Variants in PCLO observed in about 807,000 individuals in gnomAD.
The protein encoded by PCLO is protein piccolo.
A neutral mutation model predicts 427.5 loss-of-function variants in PCLO; 82 were observed. The ratio of observed to expected loss-of-function variants is 0.19; its 90% CI spans 0.16 to 0.23. The LOEUF is 0.23. Ranked by LOEUF, PCLO falls within the 10% of genes least tolerant of loss-of-function variation. The pLI is 1.00. For missense variants in PCLO, 6,239 were observed against 6,115.9 expected (o/e 1.02, Z -0.67); for synonymous variants, 2,357 against 2,155.4 (o/e 1.09, Z -2.59).
At chr7:82,805,892 T>A in intron 20 of PCLO, 63 bp from the exon 21 acceptor site, 3 of 1,454,688 alleles carry the variant, frequency 2.1e-6, no homozygotes, top group Non-Finnish European at 2.8e-6. Flanking sequence ...GATCTACAAA[T>A]GCATCATTAT....
At chr7:82,845,931 T>C (rs977271475) in intron 12 of PCLO, among the ~76,000 whole-genome samples, 7 of 152,218 alleles carry the variant, frequency 4.6e-5, no homozygotes, top group African/African-American at 1.7e-4. Flanking sequence ...GTATAGCACT[T>C]GGTCTATTCT....
intron 19 of PCLO, 41 bp downstream of exon 19, chr7:82,824,195 A>G (rs2115658467): frequency 7.1e-7 from 1 of 1,403,958 alleles, no homozygotes; most frequent in African/African-American, 1.4e-5. Flanking sequence ...GACTGAACAA[A>G]TAGACACAAA....
chr7:83,029,709 C>G (rs1387300864), intron 3 of PCLO, among the ~76,000 whole-genome samples: 25 of 119,242 alleles, frequency 2.1e-4, no homozygotes, highest in Non-Finnish European at 3.2e-4. Context: ...TTGGAACCAA[C>G]CCAAATGTCC....
intron 4 of PCLO, 58 bp downstream of exon 4, chr7:82,965,713 G>C (rs1795750228): frequency 8.3e-7 from 1 of 1,202,926 alleles, no homozygotes; most frequent in East Asian, 2.4e-5. Context: ...GTATACTTAG[G>C]TTAAAAATTA....
intron 3 of PCLO, among the ~76,000 whole-genome samples, chr7:83,057,765 AT>A (rs1277209786): frequency 6.6e-6 from 1 of 152,126 alleles, no homozygotes; most frequent in Non-Finnish European, 1.5e-5. Context: ...CTTATTAAAA[AT>A]TTTAATGGAA....
At chr7:83,123,612 A>G (rs937771915) in intron 3 of PCLO, among the ~76,000 whole-genome samples, 4 of 152,312 alleles carry the variant, frequency 2.6e-5, no homozygotes, top group Non-Finnish European at 4.4e-5. Flanking sequence ...AACAAAAGCA[A>G]AAGTTGAAAA....
intron 2 of PCLO, among the ~76,000 whole-genome samples, chr7:83,151,212 A>G (rs968371830): frequency 6.6e-6 from 1 of 152,204 alleles, no homozygotes; most frequent in African/African-American, 2.4e-5. Context: ...AAAAAAATCA[A>G]TGAAAGTTAA....
intron 20 of PCLO, among the ~76,000 whole-genome samples, chr7:82,815,713 T>A (rs2115599244): frequency 6.6e-6 from 1 of 152,046 alleles, no homozygotes; most frequent in Non-Finnish European, 1.5e-5. Context: ...TTCTGAAAAA[T>A]TTTTCTGCCT....
chr7:83,090,167 TG>T (rs1265429248), intron 3 of PCLO, among the ~76,000 whole-genome samples: 1 of 152,050 alleles, frequency 6.6e-6, no homozygotes, highest in East Asian at 1.9e-4. Context: ...CTGGGCGTGG[TG>T]GTGCACGCCT....
At chr7:83,148,626 T>C (rs1792054515) in intron 2 of PCLO, among the ~76,000 whole-genome samples, 1 of 152,126 alleles carries the variant, frequency 6.6e-6, no homozygotes, top group Non-Finnish European at 1.5e-5. Flanking sequence ...CCCATTGAAA[T>C]TTGTGTATGT....
intron 3 of PCLO, among the ~76,000 whole-genome samples, chr7:82,971,978 T>C (rs943685319): frequency 7.9e-5 from 12 of 151,812 alleles, no homozygotes; most frequent in Non-Finnish European, 4.4e-5. Flanking sequence ...GTTTCATCTA[T>C]GTTATCATTA....
intron 3 of PCLO, among the ~76,000 whole-genome samples, chr7:83,018,583 G>A (rs1310534785): frequency 6.6e-6 from 1 of 151,778 alleles, no homozygotes; most frequent in African/African-American, 2.4e-5. Context: ...GCTCATAATG[G>A]TTATATTAAA....
rs1179472077 is a variant in PCLO, at chr7:82,999,694, TATA to T, written c.3301-33210_3301-33208del. 2.4e-5 allele frequency among the ~76,000 whole-genome samples: 2 copies of T among 84,434 alleles called. 1 individual carries two copies. Among genetic ancestry groups the T allele is most frequent in the Non-Finnish European group, 4.1e-5 (2 of 49,180 alleles). 55.4% of individuals were successfully genotyped at this position (84,434 alleles called of 152,430 possible). On this transcript the variant is annotated intron_variant, in intron 3 of 24. Transcript: ENST00000333891. ...AAAATATATTATATATAAAATAATATATAATATTAAATATAAAATATAATATAT... is the reference window on the plus strand; with the variant it reads ...AAAATATATTATATATAAAATAATATATATTAAATATAAAATATAATATAT...
intron 3 of PCLO, among the ~76,000 whole-genome samples, chr7:83,043,296 T>C (rs1401274591): frequency 6.6e-6 from 1 of 152,168 alleles, no homozygotes; most frequent in Non-Finnish European, 1.5e-5. Flanking sequence ...GTGAATTTGA[T>C]TGTCTGGCCT....
intron 14 of PCLO, among the ~76,000 whole-genome samples, chr7:82,839,121 A>G (rs1792303588): frequency 6.6e-6 from 1 of 152,068 alleles, no homozygotes; most frequent in Non-Finnish European, 1.5e-5. Flanking sequence ...TTTTGGCATC[A>G]TTTAGAATAA....
intron 3 of PCLO, among the ~76,000 whole-genome samples, chr7:83,013,278 A>G (rs1309057476): frequency 2.6e-5 from 4 of 152,182 alleles, no homozygotes; most frequent in African/African-American, 9.7e-5. Context: ...TTGGCAAAAT[A>G]TATGTAAAGT....
Position 82,953,505 on chromosome 7 carries a change from G to A in PCLO, c.7448C>T (p.Pro2483Leu), listed in dbSNP as rs1795416012. Reference sequence around the variant, plus strand: ...AGATGGCTTAGGAGGAACAGGAGGAGGTGCAGTAGTACATATTCTTGTAAC... The same window carrying A: ...AGATGGCTTAGGAGGAACAGGAGGAAGTGCAGTAGTACATATTCTTGTAAC... The part of the protein sequence containing the change: ...LPVTRICTTA[P>L]PPVPPKPSSI... Residue 2483 changes from proline (P) to leucine (L), a missense_variant, in exon 5 of 25, where the codon CCT (proline) becomes CTT (leucine). By Grantham distance (98) the Pro-to-Leu change is moderately conservative. Transcript: ENST00000333891. 3.1e-6 allele frequency: 5 copies of A among 1,613,420 alleles called. No homozygotes were observed. Among genetic ancestry groups the A allele is most frequent in the Non-Finnish European group, 4.2e-6 (5 of 1,179,762 alleles).
intron 9 of PCLO, among the ~76,000 whole-genome samples, chr7:82,900,364 ATGTTAGATG>A (rs1794008578): frequency 6.6e-6 from 1 of 151,730 alleles, no homozygotes; most frequent in Non-Finnish European, 1.5e-5. Flanking sequence ...TACATATACC[ATGTTAGATG>A]TATTGCCTAT....
chr7:83,127,164 T>C (rs959723610), intron 3 of PCLO, among the ~76,000 whole-genome samples: 4 of 152,100 alleles, frequency 2.6e-5, no homozygotes, highest in African/African-American at 9.7e-5. Flanking sequence ...TGAGATATTG[T>C]ACATCTATTC....
Sources: gnomAD v4.1 joint callset for allele counts (sites outside exome capture counted in the v4.1 genomes callset) on GRCh38, gnomAD v4.1.1 for gene constraint, MANE v1.5 for transcripts, NCBI Gene and HGNC (gene_info 2026-07-23, HGNC 2026-07-21) for gene names.